Variants in ASNS observed in about 807,000 individuals in gnomAD.
ASNS encodes asparagine synthetase [glutamine-hydrolyzing].
Under a neutral mutation model 62.6 loss-of-function variants are expected in ASNS, and 37 were observed. The ratio of observed to expected loss-of-function variants is 0.59; its 90% confidence interval spans 0.45 to 0.78. The LOEUF is 0.78. Ranked by LOEUF, ASNS falls within the 30% of genes least tolerant of loss-of-function variation. The pLI is 0.00. For synonymous variants in ASNS, 207 were observed against 237.9 expected, an observed-to-expected ratio of 0.87 and a Z score of 1.19; for missense variants, 520 against 682.4, an observed-to-expected ratio of 0.76 and a Z score of 2.65.
At chr7:97,900,359 T>TAAAAAAA in the ASNS span, among the ~76,000 whole-genome samples, 1 of 58,384 alleles carries the variant, frequency 1.7e-5, no homozygotes, top group African/African-American at 1.3e-4. Flanking sequence ...AGACTTTGTC[T>TAAAAAAA]CAAAAAAAAA....
chr7:97,861,442 C>T (rs1351784950), intron 4 of ASNS, among the ~76,000 whole-genome samples: 2 of 152,308 alleles, frequency 1.3e-5, no homozygotes, highest in Non-Finnish European at 2.9e-5. Context: ...ACTGAATAAT[C>T]TTGGCACCCT....
At chr7:97,899,122 G>A in the ASNS span, 1 of 405,584 alleles carries the variant, frequency 2.5e-6, no homozygotes, top group Non-Finnish European at 4.5e-6. Flanking sequence ...AACTGCCATG[G>A]TGCTGCTCGG....
At chr7:97,907,577 G>T in the ASNS span, among the ~76,000 whole-genome samples, 1 of 151,824 alleles carries the variant, frequency 6.6e-6, no homozygotes, top group Non-Finnish European at 1.5e-5. Context: ...GACCATCCTG[G>T]CTAACACGGT....
the ASNS span, among the ~76,000 whole-genome samples, chr7:97,896,743 T>G: frequency 0.025 from 986 of 39,294 alleles, 53 homozygotes; most frequent in South Asian, 0.078. Flanking sequence ...CACACACACA[T>G]ATATATATAT....
At chr7:97,919,317 T>G in the ASNS span, among the ~76,000 whole-genome samples, 1 of 152,172 alleles carries the variant, frequency 6.6e-6, no homozygotes, top group African/African-American at 2.4e-5. Flanking sequence ...GGTTTCACTA[T>G]TTTGGCCAAG....
chr7:97,899,908 AT>A, the ASNS span, among the ~76,000 whole-genome samples: 11 of 152,320 alleles, frequency 7.2e-5, no homozygotes, highest in African/African-American at 2.6e-4. Flanking sequence ...CTGTGCTTTC[AT>A]TTTTGAATAT....
chr7:97,928,328 GGAA>G, the ASNS span: 1 of 1,281,316 alleles, frequency 7.8e-7, no homozygotes, highest in Non-Finnish European at 1.1e-6. Context: ...CTGCATTTGG[GGAA>G]GAAGGACCCG....
At chr7:97,897,359 A>G in the ASNS span, among the ~76,000 whole-genome samples, 1 of 152,378 alleles carries the variant, frequency 6.6e-6, no homozygotes, top group Admixed American at 6.5e-5. Flanking sequence ...GTTCATGGTG[A>G]AGATGCCAAA....
the ASNS span, among the ~76,000 whole-genome samples, chr7:97,901,486 C>T: frequency 6.6e-6 from 1 of 152,196 alleles, no homozygotes; most frequent in Non-Finnish European, 1.5e-5. Context: ...AGCCACCATG[C>T]CCGATCTCAG....
chr7:97,887,994 T>G, the ASNS span, among the ~76,000 whole-genome samples: 12 of 152,198 alleles, frequency 7.9e-5, no homozygotes, highest in African/African-American at 2.9e-4. Flanking sequence ...GTTTGTTTGT[T>G]TTTGGGTTCT....
In ASNS at chr7:97,855,387, T is replaced by C. The variant is rs1791385977; in HGVS notation, c.1103A>G (p.Asp368Gly). The C allele has an allele frequency of 6.2e-7, 1 of 1,612,902 alleles. No homozygotes were observed. Among genetic ancestry groups the C allele is most frequent in the Admixed American group, 1.7e-5 (1 of 59,982 alleles). ...SVVIFSGEGS[D>G]ELTQGYIYFH... The stretch of plus-strand genomic sequence containing the variant: ...ATATATGTAACCCTGCGTAAGTTCA[T>C]CTGATCCTTCTCCAGAGAAGATCAC... Residue 368 changes from aspartate (D) to glycine (G), a missense_variant, in exon 9 of 13, where the codon GAT becomes GGT. Physicochemically the swap from Asp to Gly is moderately conservative, Grantham distance 94 (BLOSUM62 -1). Transcript: ENST00000394308.
intron 4 of ASNS, among the ~76,000 whole-genome samples, chr7:97,862,821 GA>G (rs149993116): frequency 0.052 from 7,839 of 149,692 alleles, 280 homozygotes; most frequent in East Asian, 0.11. Context: ...TCCCTAACAG[GA>G]AAAAAAAATG....
the ASNS span, among the ~76,000 whole-genome samples, chr7:97,881,157 G>T: frequency 6.6e-6 from 1 of 152,150 alleles, no homozygotes; most frequent in African/African-American, 2.4e-5. Context: ...GCCCAGGCAG[G>T]TCTCGAACTC....
At chr7:97,861,585 A>G (rs1791722364) in intron 4 of ASNS, among the ~76,000 whole-genome samples, 1 of 152,196 alleles carries the variant, frequency 6.6e-6, no homozygotes, top group Non-Finnish European at 1.5e-5. Context: ...AAGTTTTAAA[A>G]TCAGTTAATA....
chr7:97,868,934 T>C lies in ASNS; in HGVS notation c.223A>G (p.Asn75Asp), dbSNP rs769502651. ...TTCTTATGGTTGTAGATTTCACCAT[T>C]GTAACAGAGCCACAAATACGGATAT... ...KKYPYLWLCY[N>D]GEIYNHKKMQ... The change falls in exon 3 of 13, where the codon AAT (asparagine) becomes GAT (aspartate). Residue 75 changes from asparagine (N) to aspartate (D), a missense_variant. Transcript: ENST00000394308. The C allele has an allele frequency of 1.9e-6, 3 of 1,614,182 alleles. No homozygotes were observed. Among genetic ancestry groups the C allele is most frequent in the South Asian group, 1.1e-5 (1 of 91,092 alleles).
In ASNS at chr7:97,852,001, A is replaced by C; in HGVS notation, c.*258T>G. The C allele has an allele frequency of 6.5e-6, 3 of 464,704 alleles. No individual in the cohort carries two copies. The South Asian group carries it at 7.5e-5, about 12-fold the overall frequency. 28.8% of individuals were successfully genotyped at this position (464,704 alleles called of 1,614,324 possible). ...GCAGCTCTGCCAGGAGAGGGCTGTG[A>C]GTTCTTGCAGACATCTGATCATTTT... On this transcript the variant is annotated 3_prime_UTR_variant, in exon 13 of 13. Coordinates refer to ENST00000394308, the MANE Select transcript of ASNS (RefSeq NM_001673.5).
rs1791209459 is a variant in ASNS, at chr7:97,852,204, A to C, written c.*55T>G. On this transcript the variant is annotated 3_prime_UTR_variant, in exon 13 of 13. Transcript: ENST00000394308. Reference sequence around the variant, plus strand: ...TCTCATTGTTCCCCTATCTACCCACAGTCCCCATCCAACACGAAGAAATAT... The same window carrying C: ...TCTCATTGTTCCCCTATCTACCCACCGTCCCCATCCAACACGAAGAAATAT... The C allele has an allele frequency of 6.3e-7, 1 of 1,581,510 alleles. No homozygotes were observed. Among genetic ancestry groups the C allele is most frequent in the African/African-American group, 1.3e-5 (1 of 74,164 alleles).
At chr7:97,869,221 C>A (rs1171360657) in intron 2 of ASNS, 42 bp from the exon 3 acceptor site, 6 of 1,577,858 alleles carry the variant, frequency 3.8e-6, no homozygotes, top group Non-Finnish European at 5.2e-6. Flanking sequence ...ATTCAATATC[C>A]AATCCAACTC....
At chr7:97,920,016 T>A in the ASNS span, among the ~76,000 whole-genome samples, 1 of 151,956 alleles carries the variant, frequency 6.6e-6, no homozygotes, top group Non-Finnish European at 1.5e-5. Flanking sequence ...CCTGACTTTT[T>A]TTTTTTTTTG....
Sources: gnomAD v4.1 joint callset for allele counts (sites outside exome capture counted in the v4.1 genomes callset) on GRCh38, gnomAD v4.1.1 for gene constraint, MANE v1.5 for transcripts, NCBI Gene and HGNC (gene_info 2026-07-23, HGNC 2026-07-21) for gene names.